The following RBPJ variants were observed in gnomAD, a reference collection of about 807,000 sequenced individuals.
RBPJ encodes the protein recombination signal binding protein for immunoglobulin kappa J region.
A neutral mutation model predicts 67.8 loss-of-function variants in RBPJ; 9 were observed. The observed-to-expected ratio is 0.13, with a 90% CI of 0.08 to 0.23. The LOEUF (loss-of-function observed/expected upper bound fraction) is 0.23. Ranked by LOEUF, RBPJ falls within the 10% of genes least tolerant of loss-of-function variation. RBPJ has a pLI of 1.00. For missense variants in RBPJ, 305 were observed against 595.6 expected (o/e 0.51, Z 5.08); for synonymous variants, 198 against 203.3 (o/e 0.97, Z 0.22).
chr4:26,301,726 T>C (rs1722085766), intron 1 of RBPJ, among the ~76,000 whole-genome samples: 1 of 152,112 alleles, frequency 6.6e-6, no homozygotes, highest in Admixed American at 6.5e-5. Context: ...TTAGAGGCAA[T>C]TTGGGCTAAT....
chr4:26,234,491 A>G (rs1719388590), intron 1 of RBPJ, among the ~76,000 whole-genome samples: 1 of 152,160 alleles, frequency 6.6e-6, no homozygotes, highest in South Asian at 2.1e-4. Flanking sequence ...CCAGATAACC[A>G]CAGGCTCATT....
chr4:26,111,346 C>T, the RBPJ span, among the ~76,000 whole-genome samples: 1 of 152,140 alleles, frequency 6.6e-6, no homozygotes, highest in Non-Finnish European at 1.5e-5. Context: ...GAACATGCTC[C>T]CTTCCCTATC....
chr4:26,132,800 A>G, the RBPJ span, among the ~76,000 whole-genome samples: 1 of 151,982 alleles, frequency 6.6e-6, no homozygotes, highest in Non-Finnish European at 1.5e-5. Flanking sequence ...GTTACTCTTT[A>G]CTTCTCAACC....
intron 1 of RBPJ, among the ~76,000 whole-genome samples, chr4:26,230,423 T>C (rs1317292834): frequency 2.0e-5 from 3 of 152,224 alleles, no homozygotes; most frequent in Non-Finnish European, 4.4e-5. Context: ...TCCAAGTGCT[T>C]TACATATATT....
chr4:26,387,687 C>T (rs1731059497), intron 2 of RBPJ, among the ~76,000 whole-genome samples: 1 of 152,126 alleles, frequency 6.6e-6, no homozygotes, highest in South Asian at 2.1e-4. Context: ...CAGTCTTCAG[C>T]TGCATATTGA....
intron 1 of RBPJ, among the ~76,000 whole-genome samples, chr4:26,288,260 G>A (rs975783534): frequency 2.0e-5 from 3 of 152,184 alleles, no homozygotes; most frequent in Non-Finnish European, 2.9e-5. Flanking sequence ...ATCTATAAAG[G>A]GATTGTAGTC....
intron 2 of RBPJ, among the ~76,000 whole-genome samples, chr4:26,388,847 G>A (rs1385463224): frequency 3.3e-5 from 5 of 152,116 alleles, no homozygotes; most frequent in South Asian, 2.1e-4. Flanking sequence ...GTTAGTCATC[G>A]TAGGAAGAGT....
rs141062910 is a variant in RBPJ, at chr4:26,401,497, G to A, written c.60-4678G>A. On this transcript the variant is annotated intron_variant, in intron 2 of 10. Coordinates refer to ENST00000355476, the MANE Select transcript of RBPJ (RefSeq NM_015874.6). ...AAGAGTGATTGCTTAATTTTAGCTC[G>A]TTTAATGATTATAATTAAAATCTTT... 1.4e-3 allele frequency among the ~76,000 whole-genome samples: 217 copies of A among 152,264 alleles called. 1 individual carries two copies. The highest frequency in any genetic ancestry group is 4.7e-3 in the African/African-American group (197 of 41,542).
the RBPJ span, chr4:26,113,411 T>A: frequency 5.5e-6 from 3 of 541,030 alleles, no homozygotes; most frequent in South Asian, 3.7e-5. Context: ...ACCCTATGAA[T>A]GTACTGAATG....
At chr4:26,258,160 T>C (rs191410771) in intron 1 of RBPJ, among the ~76,000 whole-genome samples, 1 of 152,362 alleles carries the variant, frequency 6.6e-6, no homozygotes, top group Admixed American at 6.5e-5. Flanking sequence ...TTCATTTTGC[T>C]TCAGATGGCA....
intron 2 of RBPJ, among the ~76,000 whole-genome samples, chr4:26,403,344 T>C (rs1422996219): frequency 6.6e-6 from 1 of 152,076 alleles, no homozygotes; most frequent in Non-Finnish European, 1.5e-5. Context: ...CATATAACAA[T>C]ACTTCCCCTA....
intron 1 of RBPJ, among the ~76,000 whole-genome samples, chr4:26,245,883 G>A (rs977191144): frequency 1.3e-5 from 2 of 152,130 alleles, no homozygotes; most frequent in African/African-American, 4.8e-5. Flanking sequence ...TACATATCTA[G>A]GCTTATTTCT....
At position 26,264,887 on chromosome 4, in the gene RBPJ, C is replaced by G. The variant is rs1284428146; in HGVS notation, c.-166-97559C>G. Among the ~76,000 whole-genome samples the G allele has an allele frequency of 6.6e-6, 1 of 152,156 alleles. No homozygotes were observed. Among genetic ancestry groups the G allele is most frequent in the Non-Finnish European group, 1.5e-5 (1 of 68,036 alleles). The stretch of plus-strand genomic sequence containing the variant: ...TGAAGGTTCAAGTCTCCTAAACAAA[C>G]TGACAATAGACAGATTAATAGGAGA... On this transcript the variant is annotated intron_variant, in intron 1 of 4. Transcript: ENST00000512351. This position sits in a 1 kb window ranked among gnomAD's most constrained non-coding sequence, Gnocchi z 4.1.
At chr4:26,369,586 A>G (rs1242855087) in intron 1 of RBPJ, among the ~76,000 whole-genome samples, 2 of 152,210 alleles carry the variant, frequency 1.3e-5, no homozygotes, top group African/African-American at 2.4e-5. Flanking sequence ...GTAGATATCC[A>G]AGTGTGAGAT....
chr4:26,215,200 G>A (rs1459935943), intron 1 of RBPJ, among the ~76,000 whole-genome samples: 4 of 33,292 alleles, frequency 1.2e-4, no homozygotes, highest in African/African-American at 7.3e-4. Flanking sequence ...GAAGGAAAAA[G>A]AGAGAGAAAG....
chr4:26,192,821 C>T (rs372754059), intron 1 of RBPJ, among the ~76,000 whole-genome samples: 1 of 152,208 alleles, frequency 6.6e-6, no homozygotes, highest in South Asian at 2.1e-4. Context: ...TAACAGCCCT[C>T]CAAAATGTCC....
chr4:26,276,867 A>T (rs1721102433), intron 1 of RBPJ, among the ~76,000 whole-genome samples: 1 of 152,148 alleles, frequency 6.6e-6, no homozygotes, highest in African/African-American at 2.4e-5. Flanking sequence ...GGAGTCAAAA[A>T]CTGCCTTTCT....
intron 1 of RBPJ, among the ~76,000 whole-genome samples, chr4:26,232,022 T>C (rs768236552): frequency 2.6e-5 from 4 of 151,528 alleles, no homozygotes; most frequent in Non-Finnish European, 5.9e-5. Context: ...CTCCCAAGTA[T>C]CTGGGACTAC....
At chr4:26,378,965 G>A (rs1730035820) in intron 1 of RBPJ, among the ~76,000 whole-genome samples, 1 of 152,146 alleles carries the variant, frequency 6.6e-6, no homozygotes, top group African/African-American at 2.4e-5. Context: ...GGCGGAGGTT[G>A]CAGTGAGCCA....
Sources: allele counts gnomAD v4.1 joint callset (sites outside exome capture counted in the v4.1 genomes callset), GRCh38; gene constraint gnomAD v4.1.1; non-coding constraint Gnocchi (gnomAD v3.1); transcripts MANE v1.5; gene names NCBI Gene and HGNC (gene_info 2026-07-23, HGNC 2026-07-21).